The following ROBO1 variants were observed in gnomAD, a reference collection of about 807,000 sequenced individuals.
ROBO1 encodes roundabout homolog 1.
ROBO1 carries 149 observed loss-of-function variants against 195.9 expected under a neutral mutation model. That is an observed-to-expected ratio of 0.76 (90% CI 0.67 to 0.87). The LOEUF (loss-of-function observed/expected upper bound fraction) is 0.87. Among genes scored for constraint, ROBO1 ranks in the 40% least tolerant of loss-of-function variants. The probability of loss-of-function intolerance (pLI) is 0.00; values close to 1 mark genes in which losing one functional copy is unlikely to be tolerated. For synonymous variants in ROBO1, 816 were observed against 733.2 expected (o/e 1.11, Z -1.82); for missense variants, 1,933 against 2,068.3 (o/e 0.93, Z 1.27).
At chr3:79,376,420 G>T (rs2036386144) in intron 2 of ROBO1, among the ~76,000 whole-genome samples, 1 of 152,092 alleles carries the variant, frequency 6.6e-6, no homozygotes, top group African/African-American at 2.4e-5. Flanking sequence ...ATACACGATG[G>T]GTAGTGATAT....
chr3:78,949,372 C>G (rs1407213836), intron 3 of ROBO1, among the ~76,000 whole-genome samples: 1 of 135,604 alleles, frequency 7.4e-6, no homozygotes, highest in African/African-American at 2.8e-5. Flanking sequence ...CTACAACTAT[C>G]TGATCTTTGA....
intron 1 of ROBO1, among the ~76,000 whole-genome samples, chr3:79,649,791 T>C (rs1040946021): frequency 6.6e-6 from 1 of 152,038 alleles, no homozygotes; most frequent in African/African-American, 2.4e-5. Flanking sequence ...CTATCCAAAC[T>C]TCCTGGGGCC....
At chr3:79,584,527 A>G (rs1560015156) in intron 2 of ROBO1, among the ~76,000 whole-genome samples, 1 of 151,350 alleles carries the variant, frequency 6.6e-6, no homozygotes, top group African/African-American at 2.4e-5. Context: ...GAAAATAAAT[A>G]AATTCATCAA....
At chr3:78,803,345 T>C (rs962474176) in intron 4 of ROBO1, among the ~76,000 whole-genome samples, 6 of 152,114 alleles carry the variant, frequency 3.9e-5, no homozygotes, top group Non-Finnish European at 5.9e-5. Flanking sequence ...CCTAACATCA[T>C]GACATTCTGC....
chr3:78,800,473 T>C (rs914490033), intron 4 of ROBO1, among the ~76,000 whole-genome samples: 2 of 152,168 alleles, frequency 1.3e-5, no homozygotes, highest in East Asian at 3.9e-4. Context: ...CAGAATAGGA[T>C]GACTTACCCT....
intron 1 of ROBO1, among the ~76,000 whole-genome samples, chr3:79,697,061 G>A (rs1268492570): frequency 1.3e-5 from 2 of 151,436 alleles, no homozygotes; most frequent in Non-Finnish European, 3.0e-5. Flanking sequence ...AAGAAAGGTA[G>A]CATGCAAAAA....
chr3:79,097,666 G>C (rs1346319159), intron 3 of ROBO1, among the ~76,000 whole-genome samples: 2 of 151,714 alleles, frequency 1.3e-5, no homozygotes, highest in Non-Finnish European at 1.5e-5. Flanking sequence ...AATGTTTTCA[G>C]TGTTTTTAAA....
Position 78,617,742 on chromosome 3 carries a change from GAACT to G in ROBO1, c.4171_4174del (p.Ser1391LeufsTer25). 6.2e-7 allele frequency: 1 copy of G among 1,613,942 alleles called. No homozygotes were observed. The highest frequency in any genetic ancestry group is 8.5e-7 in the Non-Finnish European group (1 of 1,179,864). The stretch of plus-strand genomic sequence containing the variant: ...ATCAGTGAAAAAGGAGCCGTCCGAA[GAACT>G]AACACTGGAGCGTCCGCTGGAAATG... On this transcript the variant is annotated frameshift_variant, in exon 27 of 31. Coordinates refer to ENST00000464233, the MANE Select transcript of ROBO1 (RefSeq NM_002941.4). LOFTEE classifies it high-confidence loss of function.
At chr3:79,232,408 A>G (rs1209224415) in intron 2 of ROBO1, among the ~76,000 whole-genome samples, 2 of 151,276 alleles carry the variant, frequency 1.3e-5, no homozygotes, top group Non-Finnish European at 3.0e-5. Flanking sequence ...CAGGAGATCT[A>G]ACACTGGACA....
At chr3:79,311,032 C>T (rs544050343) in intron 2 of ROBO1, among the ~76,000 whole-genome samples, 148 of 152,170 alleles carry the variant, frequency 9.7e-4, no homozygotes, top group Non-Finnish European at 1.8e-3. Flanking sequence ...TTATTTGATA[C>T]GTCAAGCTTG....
chr3:79,421,742 G>C (rs2038232943), intron 2 of ROBO1, among the ~76,000 whole-genome samples: 1 of 152,126 alleles, frequency 6.6e-6, no homozygotes, highest in African/African-American at 2.4e-5. Flanking sequence ...AATGCAAATA[G>C]ATACATTAAA....
At chr3:79,756,404 C>CCA (rs1704398783) in intron 1 of ROBO1, among the ~76,000 whole-genome samples, 1 of 151,908 alleles carries the variant, frequency 6.6e-6, no homozygotes, top group Non-Finnish European at 1.5e-5. Context: ...ACAAAATTAG[C>CCA]CAGGTGTGGT....
chr3:78,811,813 G>C (rs1340716123), intron 4 of ROBO1, among the ~76,000 whole-genome samples: 1 of 151,948 alleles, frequency 6.6e-6, no homozygotes, highest in Non-Finnish European at 1.5e-5. Flanking sequence ...TCATCTATAA[G>C]TTCTCTCTAT....
At chr3:79,367,723 A>G (rs1323753622) in intron 2 of ROBO1, among the ~76,000 whole-genome samples, 2 of 152,168 alleles carry the variant, frequency 1.3e-5, no homozygotes, top group Non-Finnish European at 2.9e-5. Flanking sequence ...CTCAGATTAA[A>G]TCATTGCTTA....
intron 4 of ROBO1, among the ~76,000 whole-genome samples, chr3:78,888,005 T>C (rs760369575): frequency 1.3e-5 from 2 of 152,184 alleles, no homozygotes; most frequent in Non-Finnish European, 2.9e-5. Flanking sequence ...TTAATCCTCT[T>C]GTCTCACGAG....
intron 4 of ROBO1, among the ~76,000 whole-genome samples, chr3:78,809,555 G>A (rs1453469496): frequency 6.6e-6 from 1 of 152,122 alleles, no homozygotes; most frequent in Admixed American, 6.6e-5. Context: ...GTTTATTGAA[G>A]CACTGTTCAC....
In ROBO1 at chr3:78,663,392, T is replaced by C. The variant is rs112439148; in HGVS notation, c.1967-1278A>G. ...CTTCATCTTCCTTTACCAATATTTT[T>C]GGTTAGGACCTGCCCTCAGGATAAC... On this transcript the variant is annotated intron_variant, in intron 14 of 30. Transcript: ENST00000464233. Among the ~76,000 whole-genome samples the C allele has an allele frequency of 7.6e-3, 1,160 of 152,286 alleles. 10 individuals are homozygous for C. Among genetic ancestry groups the C allele is most frequent in the African/African-American group, 0.027 (1,107 of 41,564 alleles).
chr3:79,503,704 G>T (rs1575930562), intron 2 of ROBO1, among the ~76,000 whole-genome samples: 1 of 152,144 alleles, frequency 6.6e-6, no homozygotes, highest in African/African-American at 2.4e-5. Context: ...CTTCATAATT[G>T]TCTCTGAGAA....
intron 2 of ROBO1, among the ~76,000 whole-genome samples, chr3:79,280,826 A>G (rs1201447867): frequency 6.6e-6 from 1 of 152,026 alleles, no homozygotes; most frequent in Non-Finnish European, 1.5e-5. Flanking sequence ...GCACTTCACA[A>G]TAGGGTTTGA....
Sources: gnomAD v4.1 joint callset for allele counts (sites outside exome capture counted in the v4.1 genomes callset) on GRCh38, gnomAD v4.1.1 for gene constraint, MANE v1.5 for transcripts, NCBI Gene and HGNC (gene_info 2026-07-23, HGNC 2026-07-21) for gene names.